The following CADPS2 variants were observed in gnomAD, a reference collection of about 807,000 sequenced individuals.
CADPS2 encodes the protein calcium-dependent secretion activator 2.
Under a neutral mutation model 172.5 loss-of-function variants are expected in CADPS2, and 93 were observed. The observed-to-expected ratio is 0.54, with a 90% CI of 0.46 to 0.64. CADPS2 has a LOEUF of 0.64. Ranked by LOEUF, CADPS2 falls within the 30% of genes least tolerant of loss-of-function variation. The pLI, the probability that CADPS2 is intolerant of heterozygous loss-of-function variation, is 0.00. For missense variants in CADPS2, 1,420 were observed against 1,565.9 expected, an observed-to-expected ratio of 0.91 and a Z score of 1.57; for synonymous variants, 546 against 555.2, an observed-to-expected ratio of 0.98 and a Z score of 0.23.
intron 11 of CADPS2, among the ~76,000 whole-genome samples, chr7:122,488,149 C>T (rs1163382211): frequency 4.6e-5 from 7 of 151,802 alleles, no homozygotes; most frequent in South Asian, 2.1e-4. Flanking sequence ...AATCAAAACT[C>T]GGAGGGAAAA....
intron 25 of CADPS2, among the ~76,000 whole-genome samples, chr7:122,376,047 T>G (rs2088256267): frequency 1.3e-5 from 2 of 152,124 alleles, no homozygotes; most frequent in African/African-American, 4.8e-5. Flanking sequence ...TTAGCTCACA[T>G]CTGTTTGGAT....
chr7:122,593,780 G>A (rs1007247313), intron 6 of CADPS2, among the ~76,000 whole-genome samples: 1 of 151,966 alleles, frequency 6.6e-6, no homozygotes, highest in Non-Finnish European at 1.5e-5. Flanking sequence ...CATGGCAAAG[G>A]AGAAAGAGAG....
chr7:122,633,729 C>T (rs977177971), intron 3 of CADPS2, among the ~76,000 whole-genome samples: 5 of 152,080 alleles, frequency 3.3e-5, no homozygotes, highest in Admixed American at 6.6e-5. Flanking sequence ...TCTAGTACTA[C>T]GTTGAACAGG....
At chr7:122,828,638 C>G (rs1227622095) in intron 1 of CADPS2, among the ~76,000 whole-genome samples, 1 of 152,122 alleles carries the variant, frequency 6.6e-6, no homozygotes, top group Non-Finnish European at 1.5e-5. Flanking sequence ...CTGTTCCTTC[C>G]TTCTTCCTGG....
rs2092211130 is a variant in CADPS2 at position 122,737,119 on chromosome 7, AT to A, written c.340-52del. 10 of 873,162 alleles carry A rather than the reference AT, an allele frequency of 1.1e-5. No homozygotes were observed. In the South Asian group the frequency reaches 1.4e-4, roughly 12 times the overall value. The allele number at this position is 873,162 out of a possible 1,614,324, so 54.1% of individuals were successfully genotyped here. ...GATAAATTGGCCAGTACATGAAAAA[AT>A]AATGACTATTAAAAATCATATTTGC... On this transcript the variant is annotated intron_variant, in intron 1 of 29. Transcript: ENST00000449022.
At chr7:122,659,310 TAAAA>T (rs34582432) in intron 3 of CADPS2, among the ~76,000 whole-genome samples, 1 of 129,140 alleles carries the variant, frequency 7.7e-6, no homozygotes, top group African/African-American at 3.0e-5. Flanking sequence ...ATGCTAGACA[TAAAA>T]AAAAAAAAAA....
chr7:122,772,504 T>C (rs1293342003), intron 1 of CADPS2, among the ~76,000 whole-genome samples: 2 of 152,208 alleles, frequency 1.3e-5, no homozygotes, highest in East Asian at 3.8e-4. Flanking sequence ...TAACTAATTA[T>C]TTGCCAATAA....
chr7:122,455,981 G>A (rs961744470), intron 14 of CADPS2, among the ~76,000 whole-genome samples: 2 of 152,122 alleles, frequency 1.3e-5, no homozygotes, highest in African/African-American at 4.8e-5. Context: ...GGGATTACAG[G>A]AAAGAGCCAC....
In CADPS2 at chr7:122,653,616, T is replaced by A. The variant is rs371571057; in HGVS notation, c.786+9621A>T. On this transcript the variant is annotated intron_variant, in intron 3 of 29. Coordinates refer to ENST00000449022, the MANE Select transcript of CADPS2 (RefSeq NM_017954.11). Reference sequence around the variant, plus strand: ...GCAGATATTATGGTTTTTTTACACATTGAAGGTCTGTGGCAATCCTGAGTC... The same window carrying A: ...GCAGATATTATGGTTTTTTTACACAATGAAGGTCTGTGGCAATCCTGAGTC... Among the ~76,000 whole-genome samples, 7 of 152,236 alleles carry A rather than the reference T, an allele frequency of 4.6e-5. No individual in the cohort carries two copies. The East Asian group carries it at 7.7e-4, about 17-fold the overall frequency.
intron 6 of CADPS2, among the ~76,000 whole-genome samples, chr7:122,583,875 G>A (rs1342548249): frequency 1.3e-5 from 2 of 150,426 alleles, no homozygotes; most frequent in Non-Finnish European, 3.0e-5. Context: ...TATAACATAT[G>A]TGTATATATA....
rs1479498630 is a variant in CADPS2, at chr7:122,400,295, G to A, written c.2747-6713C>T. The stretch of plus-strand genomic sequence containing the variant: ...TACCAAAAATACAAAAAATTAGCTG[G>A]GTGTGGTGGTGCATGCCTGTAATCC... On this transcript the variant is annotated intron_variant, in intron 20 of 29. Coordinates refer to ENST00000449022, the MANE Select transcript of CADPS2 (RefSeq NM_017954.11). Among the ~76,000 whole-genome samples, 7 of 151,852 alleles carry A rather than the reference G, an allele frequency of 4.6e-5. No homozygotes were observed. The East Asian group carries it at 1.4e-3, about 30-fold the overall frequency.
chr7:122,336,181 T>G (rs974797784), intron 28 of CADPS2, among the ~76,000 whole-genome samples: 1 of 152,220 alleles, frequency 6.6e-6, no homozygotes, highest in Non-Finnish European at 1.5e-5. Flanking sequence ...GCTGGTTCCT[T>G]ACACAGATTT....
At chr7:122,833,767 TAA>T (rs1159877437) in intron 1 of CADPS2, among the ~76,000 whole-genome samples, 3 of 152,108 alleles carry the variant, frequency 2.0e-5, no homozygotes, top group Non-Finnish European at 4.4e-5. Flanking sequence ...AGGTAAAAGA[TAA>T]GAGTATATTT....
intron 7 of CADPS2, among the ~76,000 whole-genome samples, chr7:122,576,625 T>C (rs2068073284): frequency 6.6e-6 from 1 of 152,122 alleles, no homozygotes; most frequent in African/African-American, 2.4e-5. Flanking sequence ...AGGCTTTGTG[T>C]CCCCACCCAA....
chr7:122,712,829 G>A (rs1283305328), intron 2 of CADPS2, among the ~76,000 whole-genome samples: 1 of 152,006 alleles, frequency 6.6e-6, no homozygotes, highest in Admixed American at 6.6e-5. Context: ...TTACATTGTG[G>A]AAAGAGTAAG....
intron 1 of CADPS2, among the ~76,000 whole-genome samples, chr7:122,849,518 G>C (rs930346683): frequency 6.6e-6 from 1 of 152,030 alleles, no homozygotes; most frequent in Non-Finnish European, 1.5e-5. Flanking sequence ...CAGTCTCTGC[G>C]GTCCCCAGCT....
chr7:122,520,661 C>CTTT (rs2060719362), intron 8 of CADPS2, among the ~76,000 whole-genome samples: 1 of 151,988 alleles, frequency 6.6e-6, no homozygotes, highest in African/African-American at 2.4e-5. Flanking sequence ...CTCGCTTACC[C>CTTT]AAACACTTTA....
chr7:122,566,586 C>G (rs998500396), intron 7 of CADPS2, among the ~76,000 whole-genome samples: 1 of 152,010 alleles, frequency 6.6e-6, no homozygotes, highest in African/African-American at 2.4e-5. Context: ...CTGAGATACA[C>G]AGGACTTATT....
intron 14 of CADPS2, among the ~76,000 whole-genome samples, chr7:122,464,871 T>C (rs1173936036): frequency 6.6e-6 from 1 of 152,198 alleles, no homozygotes; most frequent in African/African-American, 2.4e-5. Flanking sequence ...TGGTGAAATC[T>C]GAATAAGGAC....
Sources: allele counts gnomAD v4.1 joint callset (sites outside exome capture counted in the v4.1 genomes callset), GRCh38; gene constraint gnomAD v4.1.1; transcripts MANE v1.5; gene names NCBI Gene and HGNC (gene_info 2026-07-23, HGNC 2026-07-21).